The following SERPIND1 variants were observed in gnomAD, a reference collection of about 807,000 sequenced individuals.
The protein encoded by SERPIND1 is serpin family D member 1.
Under a neutral mutation model 35.0 loss-of-function variants are expected in SERPIND1, and 34 were observed. That is an observed-to-expected ratio of 0.97 (90% confidence interval 0.74 to 1.29). The LOEUF is 1.29. Ranked by LOEUF, SERPIND1 falls within the 50% of genes most tolerant of loss-of-function variation. The pLI, the probability that SERPIND1 is intolerant of heterozygous loss-of-function variation, is 0.00. For missense variants in SERPIND1, 633 were observed against 637.7 expected (o/e 0.99, Z 0.08); for synonymous variants, 236 against 241.1 (o/e 0.98, Z 0.19).
chr22:20,787,304 G>C lies in SERPIND1; in HGVS notation c.*238G>C. The C allele has an allele frequency of 1.8e-6, 1 of 547,278 alleles. No homozygotes were observed. The highest frequency in any genetic ancestry group is 3.3e-6 in the Non-Finnish European group (1 of 303,502). The allele number at this position is 547,278 out of a possible 1,614,324, so 33.9% of individuals were successfully genotyped here. A position where few individuals can be genotyped will look rare whatever the true frequency, so the allele number is the denominator to read the frequency against. ...TCACTGTAACTGTAGTGTGTCTGCT[G>C]TTACCTAGAGGGTCTCACCTCCCCA... On this transcript the variant is annotated 3_prime_UTR_variant, in exon 5 of 5. Coordinates refer to ENST00000215727, the MANE Select transcript of SERPIND1 (RefSeq NM_000185.4).
At chr22:20,783,756 C>G (rs774547264) in intron 2 of SERPIND1, among the ~76,000 whole-genome samples, 15 of 152,202 alleles carry the variant, frequency 9.9e-5, no homozygotes, top group Non-Finnish European at 2.1e-4. Flanking sequence ...AGACCCTACT[C>G]CAGAAACTAT....
intron 2 of SERPIND1, 109 bp from the exon 3 acceptor site, chr22:20,783,863 T>A: frequency 6.8e-7 from 1 of 1,469,928 alleles, no homozygotes; most frequent in Non-Finnish European, 9.5e-7. Context: ...GGGTCGGCTC[T>A]GCAGGCTATC....
rs767218743 is a variant in SERPIND1 at position 20,779,509 on chromosome 22, C to T, written c.197C>T (p.Thr66Ile). 9.9e-6 allele frequency: 16 copies of T among 1,613,964 alleles called. No individual in the cohort carries two copies. Among genetic ancestry groups the T allele is most frequent in the Non-Finnish European group, 1.4e-5 (16 of 1,179,920 alleles). Residue 66 changes from threonine to isoleucine, a missense_variant, in exon 2 of 5, where the codon ACC (threonine) becomes ATC (isoleucine). By Grantham distance (89) the Thr-to-Ile change is moderately conservative. Coordinates refer to ENST00000215727, the MANE Select transcript of SERPIND1 (RefSeq NM_000185.4). ...GACTTCCACAAGGAAAACACCGTCACCAACGACTGGATTCCAGAGGGGGAG... is the reference window on the plus strand; with the variant it reads ...GACTTCCACAAGGAAAACACCGTCATCAACGACTGGATTCCAGAGGGGGAG... The part of the protein sequence containing the change: ...PADFHKENTV[T>I]NDWIPEGEED...
intron 2 of SERPIND1, among the ~76,000 whole-genome samples, chr22:20,782,384 G>A (rs752650832): frequency 2.2e-4 from 34 of 152,260 alleles, no homozygotes; most frequent in East Asian, 1.3e-3. Flanking sequence ...ACTCAATGCC[G>A]GGCATCACAA....
chr22:20,784,292 G>C (rs1266755670), intron 3 of SERPIND1, 47 bp downstream of exon 3: 1 of 1,610,942 alleles, frequency 6.2e-7, no homozygotes, highest in African/African-American at 1.3e-5. Flanking sequence ...AGATGCTGGG[G>C]GTGTCTGGGA....
chr22:20,786,892 G>A lies in SERPIND1; in HGVS notation c.1326G>A (p.Thr442=), dbSNP rs770881141. 1.2e-5 allele frequency: 20 copies of A among 1,614,148 alleles called. No homozygotes were observed. Among genetic ancestry groups the A allele is most frequent in the East Asian group, 2.2e-5 (1 of 44,876 alleles). ...CCAAACAGTTCAAGCACCAAGGCACGATCACAGTGAACGAGGAAGGCACCC... is the reference window on the plus strand; with the variant it reads ...CCAAACAGTTCAAGCACCAAGGCACAATCACAGTGAACGAGGAAGGCACCC... ...IAIDLFKHQG[T]ITVNEEGTQA... is the part of the protein sequence containing the mutation. Residue 442 remains threonine, a synonymous_variant, in exon 5 of 5, where the codon ACG becomes ACA. Coordinates refer to ENST00000215727, the MANE Select transcript of SERPIND1 (RefSeq NM_000185.4).
At chr22:20,778,180 T>C (rs1049206711) in intron 1 of SERPIND1, among the ~76,000 whole-genome samples, 1 of 152,136 alleles carries the variant, frequency 6.6e-6, no homozygotes, top group Non-Finnish European at 1.5e-5. Context: ...GTCTCAGCAC[T>C]AGACAAGTTC....
chr22:20,781,465 G>T (rs1050828165), intron 2 of SERPIND1, among the ~76,000 whole-genome samples: 2 of 152,204 alleles, frequency 1.3e-5, no homozygotes, highest in Admixed American at 1.3e-4. Context: ...CCAGGCGAAG[G>T]AAGGAGACCC....
intron 1 of SERPIND1, among the ~76,000 whole-genome samples, chr22:20,778,904 CCT>C (rs1040940709): frequency 7.7e-4 from 117 of 152,334 alleles, no homozygotes; most frequent in African/African-American, 2.7e-3. Flanking sequence ...CCATCTGTCC[CCT>C]GACTGGTCCA....
Position 20,786,093 on chromosome 22 carries a change from T to C in SERPIND1, c.1253T>C (p.Phe418Ser). 6 of 1,614,128 alleles carry C rather than the reference T, an allele frequency of 3.7e-6. No homozygotes were observed. Among genetic ancestry groups the C allele is most frequent in the East Asian group, 4.5e-5 (2 of 44,882 alleles). ...SLKLMGIRMLFDKNGNMAGIS... is the reference protein window; with the variant it reads ...SLKLMGIRMLSDKNGNMAGIS... ...AAGTTGATGGGGATCAGGATGCTGTTTGACAAAAATGGCAACATGGCAGGC... is the reference window on the plus strand; with the variant it reads ...AAGTTGATGGGGATCAGGATGCTGTCTGACAAAAATGGCAACATGGCAGGC... The change falls in exon 4 of 5, where the codon TTT (phenylalanine) becomes TCT (serine). Residue 418 changes from phenylalanine to serine, a missense_variant. Transcript: ENST00000215727.
intron 2 of SERPIND1, among the ~76,000 whole-genome samples, chr22:20,782,893 A>G (rs1260786871): frequency 6.6e-6 from 1 of 152,200 alleles, no homozygotes; most frequent in African/African-American, 2.4e-5. Context: ...ACAGGCAGGC[A>G]GGAGCTGTCT....
rs776191565 is a variant in SERPIND1 at position 20,779,671 on chromosome 22, A to G, written c.359A>G (p.Lys120Arg). ...AACATCCTCCAGCTTTTTCATGGCA[A>G]GAGCCGGATCCAGCGTCTTAACATC... is the stretch of plus-strand genomic sequence containing the variant. The part of the protein sequence containing the change: ...AGNILQLFHG[K>R]SRIQRLNILN... Residue 120 changes from lysine to arginine, a missense_variant, in exon 2 of 5, where the codon AAG becomes AGG. Coordinates refer to ENST00000215727, the MANE Select transcript of SERPIND1 (RefSeq NM_000185.4). The G allele has an allele frequency of 6.2e-7, 1 of 1,614,122 alleles. No homozygotes were observed. The highest frequency in any genetic ancestry group is 1.7e-5 in the Admixed American group (1 of 60,034).
chr22:20,785,870 C>T (rs879783301), intron 3 of SERPIND1, 134 bp from the exon 4 acceptor site: 18 of 1,288,576 alleles, frequency 1.4e-5, no homozygotes, highest in African/African-American at 2.9e-5. Flanking sequence ...CTGACAGTCC[C>T]GGAATATAAA....
In SERPIND1 at chr22:20,780,064, C is replaced by G. The variant is rs1253040035; in HGVS notation, c.752C>G (p.Ala251Gly). Reference sequence around the variant, plus strand: ...TATTACTTTGCTGAGGCCCAGATAGCTGACTTCTCAGACCCTGCCTTCATA... The same window carrying G: ...TATTACTTTGCTGAGGCCCAGATAGGTGACTTCTCAGACCCTGCCTTCATA... Reference protein sequence around the residue: ...REYYFAEAQIADFSDPAFISK... With the variant: ...REYYFAEAQIGDFSDPAFISK... Residue 251 changes from alanine to glycine, a missense_variant, in exon 2 of 5, where the codon GCT becomes GGT. Transcript: ENST00000215727. 6.2e-7 allele frequency: 1 copy of G among 1,614,174 alleles called. No homozygotes were observed. The highest frequency in any genetic ancestry group is 8.5e-7 in the Non-Finnish European group (1 of 1,180,052).
chr22:20,778,347 T>C (rs537478019), intron 1 of SERPIND1, among the ~76,000 whole-genome samples: 71 of 151,916 alleles, frequency 4.7e-4, no homozygotes, highest in Admixed American at 2.4e-3. Context: ...CTAAACAAAA[T>C]ACAAAAATTA....
chr22:20,781,950 G>A (rs1601483310), intron 2 of SERPIND1, among the ~76,000 whole-genome samples: 1 of 152,344 alleles, frequency 6.6e-6, no homozygotes, highest in Non-Finnish European at 1.5e-5. Context: ...ATGCAACAGA[G>A]TGGCACATGA....
chr22:20,780,031 T>C lies in SERPIND1; in HGVS notation c.719T>C (p.Val240Ala). Residue 240 changes from valine to alanine, a missense_variant, in exon 2 of 5, where the codon GTA (valine) becomes GCA (alanine). Coordinates refer to ENST00000215727, the MANE Select transcript of SERPIND1 (RefSeq NM_000185.4). ...FPILLDFKTKVREYYFAEAQI... is the reference protein window; with the variant it reads ...FPILLDFKTKAREYYFAEAQI... The stretch of plus-strand genomic sequence containing the variant: ...ATCCTGCTTGACTTCAAAACTAAAG[T>C]AAGAGAGTATTACTTTGCTGAGGCC... 1 of 1,614,076 alleles carries C rather than the reference T, an allele frequency of 6.2e-7. No individual in the cohort carries two copies. The highest frequency in any genetic ancestry group is 1.1e-5 in the South Asian group (1 of 91,084).
chr22:20,785,079 T>G (rs1934114713), intron 3 of SERPIND1, among the ~76,000 whole-genome samples: 1 of 151,384 alleles, frequency 6.6e-6, no homozygotes, highest in Non-Finnish European at 1.5e-5. Context: ...TTTTTTTTTT[T>G]TTTTTTTTGA....
At position 20,786,073 on chromosome 22, in the gene SERPIND1, G is replaced by C. The variant is rs150163414; in HGVS notation, c.1233G>C (p.Leu411Phe). 2 of 1,614,126 alleles carry C rather than the reference G, an allele frequency of 1.2e-6. No homozygotes were observed. Among genetic ancestry groups the C allele is most frequent in the East Asian group, 4.5e-5 (2 of 44,884 alleles). ...KNYNLVESLK[L>F]MGIRMLFDKN... ...ACAATCTAGTGGAGTCCCTGAAGTTGATGGGGATCAGGATGCTGTTTGACA... is the reference window on the plus strand; with the variant it reads ...ACAATCTAGTGGAGTCCCTGAAGTTCATGGGGATCAGGATGCTGTTTGACA... Residue 411 changes from leucine (L) to phenylalanine (F), a missense_variant, in exon 4 of 5, where the codon TTG (leucine) becomes TTC (phenylalanine). Physicochemically the swap from Leu to Phe is conservative, Grantham distance 22. Coordinates refer to ENST00000215727, the MANE Select transcript of SERPIND1 (RefSeq NM_000185.4).
Sources: allele counts gnomAD v4.1 joint callset (sites outside exome capture counted in the v4.1 genomes callset), GRCh38; gene constraint gnomAD v4.1.1; transcripts MANE v1.5; gene names NCBI Gene and HGNC (gene_info 2026-07-23, HGNC 2026-07-21).